The following PTPRT variants were observed in gnomAD, a reference collection of about 807,000 sequenced individuals.
PTPRT encodes the protein protein tyrosine phosphatase receptor type T, also known as receptor-type tyrosine-protein phosphatase T.
PTPRT carries 56 observed loss-of-function variants against 176.8 expected under a neutral mutation model. The observed-to-expected ratio is 0.32, with a 90% CI of 0.26 to 0.40. The LOEUF is 0.40. PTPRT is among the 10% of genes least tolerant of loss of function. PTPRT has a pLI of 1.00. For missense variants in PTPRT, 1,540 were observed against 1,908.2 expected, an observed-to-expected ratio of 0.81 and a Z score of 3.60; for synonymous variants, 783 against 739.0, an observed-to-expected ratio of 1.06 and a Z score of -0.96.
At chr20:42,183,692 T>C (rs1258650182) in intron 16 of PTPRT, among the ~76,000 whole-genome samples, 3 of 152,186 alleles carry the variant, frequency 2.0e-5, no homozygotes, top group African/African-American at 7.2e-5. Flanking sequence ...CCACAATTGA[T>C]TCCTTCTCTT....
chr20:42,487,621 A>G (rs2071486233), intron 7 of PTPRT, among the ~76,000 whole-genome samples: 1 of 152,196 alleles, frequency 6.6e-6, no homozygotes, highest in African/African-American at 2.4e-5. Context: ...TTAGGCTGAC[A>G]GCTTCAAGGA....
intron 16 of PTPRT, among the ~76,000 whole-genome samples, chr20:42,182,894 T>A (rs1429767099): frequency 7.1e-6 from 1 of 141,762 alleles, no homozygotes; most frequent in Non-Finnish European, 1.5e-5. Context: ...TGACTGTTAA[T>A]CCTACAAGCA....
intron 1 of PTPRT, among the ~76,000 whole-genome samples, chr20:43,171,800 CA>C: frequency 6.6e-6 from 1 of 152,314 alleles, no homozygotes; most frequent in Non-Finnish European, 1.5e-5. Flanking sequence ...CCAGGGGCCA[CA>C]CTTTGAAAAC....
At chr20:42,451,841 G>A (rs2070835457) in intron 8 of PTPRT, among the ~76,000 whole-genome samples, 1 of 152,186 alleles carries the variant, frequency 6.6e-6, no homozygotes, top group South Asian at 2.1e-4. Flanking sequence ...GAGAGGGGAA[G>A]GTGAGGTGAG....
intron 5 of PTPRT, among the ~76,000 whole-genome samples, chr20:42,757,482 C>G (rs970741288): frequency 6.6e-6 from 1 of 152,182 alleles, no homozygotes; most frequent in African/African-American, 2.4e-5. Context: ...GGCACATGCT[C>G]TTTTCTCTGC....
chr20:42,568,585 G>C (rs2073089053), intron 7 of PTPRT, among the ~76,000 whole-genome samples: 1 of 152,076 alleles, frequency 6.6e-6, no homozygotes, highest in Admixed American at 6.6e-5. Flanking sequence ...TGCCCCTCTG[G>C]GTTGGCTCTC....
chr20:42,352,591 C>T (rs753166431), intron 9 of PTPRT, among the ~76,000 whole-genome samples: 3 of 152,054 alleles, frequency 2.0e-5, no homozygotes, highest in Non-Finnish European at 2.9e-5. Flanking sequence ...AGGGCAGTAC[C>T]GGGTGGGGGG....
chr20:42,388,386 C>G (rs565914396), intron 9 of PTPRT, among the ~76,000 whole-genome samples: 27 of 152,100 alleles, frequency 1.8e-4, no homozygotes, highest in Admixed American at 3.3e-4. Flanking sequence ...TCTGACAAAG[C>G]GCTAATATCC....
Position 42,134,128 on chromosome 20 carries a change from A to G in PTPRT, c.2771-5298T>C, listed in dbSNP as rs565082297. Among the ~76,000 whole-genome samples the G allele has an allele frequency of 2.6e-5, 4 of 152,270 alleles. No homozygotes were observed. The East Asian group carries it at 7.7e-4, about 29-fold the overall frequency. ...TATTTATTCCTTTTGGGAGATGCTA[A>G]TATTATTCTGTGTCCCCTTCTTCTT... On this transcript the variant is annotated intron_variant, in intron 18 of 30. Coordinates refer to ENST00000373187, the MANE Select transcript of PTPRT (RefSeq NM_007050.6).
chr20:42,852,769 C>G (rs1039090878), intron 2 of PTPRT, among the ~76,000 whole-genome samples: 2 of 152,100 alleles, frequency 1.3e-5, no homozygotes, highest in Non-Finnish European at 2.9e-5. Context: ...GTTAGTGAGG[C>G]TTGTACTAAT....
chr20:42,835,951 C>A (rs552015054), intron 2 of PTPRT, among the ~76,000 whole-genome samples: 7 of 152,222 alleles, frequency 4.6e-5, no homozygotes, highest in African/African-American at 1.7e-4. Context: ...AAGGTTTCTA[C>A]GAGATAGCAC....
intron 7 of PTPRT, among the ~76,000 whole-genome samples, chr20:42,603,520 G>A (rs1320126995): frequency 6.6e-6 from 1 of 152,142 alleles, no homozygotes; most frequent in Non-Finnish European, 1.5e-5. Context: ...GCTTTGAGAG[G>A]CTGGTGCGAC....
chr20:43,012,549 A>G (rs1399431795), intron 1 of PTPRT, among the ~76,000 whole-genome samples: 1 of 152,192 alleles, frequency 6.6e-6, no homozygotes, highest in Non-Finnish European at 1.5e-5. Flanking sequence ...ATGCCACTTA[A>G]ATGCACACTT....
chr20:42,267,632 G>A (rs2146987623), intron 13 of PTPRT, among the ~76,000 whole-genome samples: 1 of 152,284 alleles, frequency 6.6e-6, no homozygotes, highest in Middle Eastern at 3.4e-3. Context: ...GGGTTGACGT[G>A]CTGCTGGCAT....
intron 12 of PTPRT, among the ~76,000 whole-genome samples, chr20:42,292,173 G>T (rs537318075): frequency 1.3e-5 from 2 of 152,166 alleles, no homozygotes; most frequent in African/African-American, 4.8e-5. Context: ...ACAGCGTTGG[G>T]TCCTTAGTCT....
rs1428882631 is a variant in PTPRT at position 42,080,254 on chromosome 20, C to G, written c.*625G>C. 3.0e-5 allele frequency: 7 copies of G among 233,168 alleles called. No homozygotes were observed. The highest frequency in any genetic ancestry group is 4.4e-5 in the African/African-American group (2 of 45,352). 14.4% of individuals were successfully genotyped at this position (233,168 alleles called of 1,614,324 possible). A position where few individuals can be genotyped will look rare whatever the true frequency, so the allele number is the denominator to read the frequency against. On this transcript the variant is annotated 3_prime_UTR_variant, in exon 31 of 31. Coordinates refer to ENST00000373187, the MANE Select transcript of PTPRT (RefSeq NM_007050.6). ...CAGTGAATGCTGGACGGTCAAGGCC[C>G]AGGCTGGGGAAGGGGTACAGAATGG...
intron 22 of PTPRT, among the ~76,000 whole-genome samples, chr20:42,111,317 A>C (rs1170554555): frequency 2.0e-5 from 3 of 152,194 alleles, no homozygotes; most frequent in Non-Finnish European, 4.4e-5. Context: ...TCATTCCTTC[A>C]TTGAAAAATC....
chr20:43,028,570 G>T (rs1398735411), intron 1 of PTPRT, among the ~76,000 whole-genome samples: 1 of 152,100 alleles, frequency 6.6e-6, no homozygotes, highest in African/African-American at 2.4e-5. Flanking sequence ...TCTCCCCAGG[G>T]TTCTGCTATT....
intron 1 of PTPRT, among the ~76,000 whole-genome samples, chr20:42,985,566 C>A (rs137874287): frequency 2.0e-3 from 302 of 152,220 alleles, no homozygotes; most frequent in African/African-American, 6.9e-3. Context: ...AACCAAGACC[C>A]CTGCTCTTGT....
Sources: allele counts gnomAD v4.1 joint callset (sites outside exome capture counted in the v4.1 genomes callset), GRCh38; gene constraint gnomAD v4.1.1; transcripts MANE v1.5; gene names NCBI Gene and HGNC (gene_info 2026-07-23, HGNC 2026-07-21).